PALS1: variants seen among roughly 807,000 people sequenced by gnomAD.
The protein encoded by PALS1 is protein associated with LIN7 1, MAGUK p55 family member.
A neutral mutation model predicts 78.9 loss-of-function variants in PALS1; 31 were observed. The observed-to-expected ratio is 0.39, with a 90% CI of 0.30 to 0.53. The LOEUF is 0.53. Among genes scored for constraint, PALS1 ranks in the 20% least tolerant of loss-of-function variants. The probability of loss-of-function intolerance (pLI) is 0.67; values close to 1 mark genes in which losing one functional copy is unlikely to be tolerated. For synonymous variants in PALS1, 276 were observed against 270.9 expected, an observed-to-expected ratio of 1.02 and a Z score of -0.18; for missense variants, 704 against 826.5, an observed-to-expected ratio of 0.85 and a Z score of 1.82.
At chr14:67,318,874 G>A (rs1324899712) in intron 11 of PALS1, among the ~76,000 whole-genome samples, 1 of 151,966 alleles carries the variant, frequency 6.6e-6, no homozygotes, top group African/African-American at 2.4e-5. Context: ...TGGCTAACAT[G>A]GTGAAACTCC....
At chr14:67,248,686 G>A (rs1408931119) in intron 1 of PALS1, among the ~76,000 whole-genome samples, 1 of 152,158 alleles carries the variant, frequency 6.6e-6, no homozygotes, top group East Asian at 1.9e-4. Context: ...TATTGTCTCT[G>A]TTGCAAGTAC....
At chr14:67,251,513 A>G (rs2084062725) in intron 1 of PALS1, among the ~76,000 whole-genome samples, 1 of 152,192 alleles carries the variant, frequency 6.6e-6, no homozygotes, top group Admixed American at 6.5e-5. Context: ...AGCCTGGTCA[A>G]CAGCAACAGA....
At chr14:67,316,728 A>G (rs1405034302) in intron 9 of PALS1, 104 bp from the exon 10 acceptor site, 7 of 832,370 alleles carry the variant, frequency 8.4e-6, no homozygotes, top group Non-Finnish European at 9.2e-6. Context: ...GGAAGGGAAT[A>G]TAAGTGAAGA....
At position 67,323,765 on chromosome 14, in the gene PALS1, C is replaced by A. The variant is rs922968032; in HGVS notation, c.1804C>A (p.Gln602Lys). Residue 602 changes from glutamine (Q) to lysine (K), a missense_variant, in exon 14 of 15, where the codon CAA becomes AAA. Coordinates refer to ENST00000261681, the MANE Select transcript of PALS1 (RefSeq NM_022474.4). Reference sequence around the variant, plus strand: ...TATTATCTTCATTGCACCCCCTTCACAAGAAAGACTTCGGGCATTATTGGC... The same window carrying A: ...TATTATCTTCATTGCACCCCCTTCAAAAGAAAGACTTCGGGCATTATTGGC... Reference protein sequence around the residue: ...PYIIFIAPPSQERLRALLAKE... With the variant: ...PYIIFIAPPSKERLRALLAKE... 1 of 1,606,056 alleles carries A rather than the reference C, an allele frequency of 6.2e-7. No individual in the cohort carries two copies. The highest frequency in any genetic ancestry group is 8.5e-7 in the Non-Finnish European group (1 of 1,176,740).
rs1239990614 is a variant in PALS1, at chr14:67,279,359, G to GGAGGACATGAGGCGTAGGAGA, written c.195_215dup (p.Asp65_Glu71dup). The GGAGGACATGAGGCGTAGGAGA allele has an allele frequency of 1.9e-6, 3 of 1,613,902 alleles. No individual in the cohort carries two copies. The Admixed American group carries it at 5.0e-5, about 27-fold the overall frequency. ...AGTTGGAGCGTATTCGGCAACAACA[G>GGAGGACATGAGGCGTAGGAGA]GAGGACATGAGGCGTAGGAGAGAGG... is the stretch of plus-strand genomic sequence containing the variant. On this transcript the variant is annotated inframe_insertion, in exon 3 of 15. Transcript: ENST00000261681.
chr14:67,260,563 T>G (rs1480509679), intron 1 of PALS1, among the ~76,000 whole-genome samples: 1 of 152,122 alleles, frequency 6.6e-6, no homozygotes, highest in Non-Finnish European at 1.5e-5. Context: ...AAGGGTAGTT[T>G]GTAGAGGAGA....
At chr14:67,302,786 T>C (rs2084949479) in intron 7 of PALS1, among the ~76,000 whole-genome samples, 1 of 152,178 alleles carries the variant, frequency 6.6e-6, no homozygotes, top group African/African-American at 2.4e-5. Context: ...CTATCACATA[T>C]ATTTTATTTT....
chr14:67,284,442 A>AAAAAAC (rs890593561), intron 3 of PALS1, among the ~76,000 whole-genome samples: 1 of 142,768 alleles, frequency 7.0e-6, no homozygotes, highest in Non-Finnish European at 1.6e-5. Context: ...AAAAAAAAAA[A>AAAAAAC]AACAGCTGGG....
chr14:67,317,152 T>C (rs968620987), intron 10 of PALS1, among the ~76,000 whole-genome samples: 3 of 152,226 alleles, frequency 2.0e-5, no homozygotes, highest in African/African-American at 7.2e-5. Context: ...AACAGTGTAA[T>C]AAGTATTTAT....
intron 3 of PALS1, among the ~76,000 whole-genome samples, chr14:67,285,995 G>A (rs946450744): frequency 2.0e-5 from 3 of 152,046 alleles, no homozygotes; most frequent in Admixed American, 6.5e-5. Context: ...TAAATGTTGC[G>A]TGAAATATTA....
At chr14:67,251,346 A>G (rs2084060238) in intron 1 of PALS1, among the ~76,000 whole-genome samples, 1 of 152,178 alleles carries the variant, frequency 6.6e-6, no homozygotes, top group Admixed American at 6.5e-5. Flanking sequence ...CAACCTGGGC[A>G]ACACAGTGGG....
Position 67,303,517 on chromosome 14 carries a change from T to C in PALS1, c.964-5T>C. ...TTAAAAAATAACCTGATCTTTCTAT[T>C]ACAGTCTGATATGCATGGTACTTTG... On this transcript the variant is annotated splice_polypyrimidine_tract_variant and splice_region_variant and intron_variant, in intron 7 of 14. Transcript: ENST00000261681. 1.9e-6 allele frequency: 3 copies of C among 1,607,654 alleles called. No homozygotes were observed. The highest frequency in any genetic ancestry group is 2.6e-6 in the Non-Finnish European group (3 of 1,174,140).
At chr14:67,307,627 G>A (rs1173767540) in intron 8 of PALS1, among the ~76,000 whole-genome samples, 1 of 152,128 alleles carries the variant, frequency 6.6e-6, no homozygotes, top group Non-Finnish European at 1.5e-5. Context: ...TTTCTTGGTG[G>A]ATGTGGGGAA....
At chr14:67,290,052 G>A (rs1374403412) in intron 3 of PALS1, among the ~76,000 whole-genome samples, 5 of 152,116 alleles carry the variant, frequency 3.3e-5, no homozygotes, top group African/African-American at 7.2e-5. Flanking sequence ...GATTACAGGC[G>A]TGAGCCACTG....
chr14:67,328,886 T>C (rs888600159), intron 14 of PALS1, among the ~76,000 whole-genome samples: 5 of 152,204 alleles, frequency 3.3e-5, no homozygotes, highest in African/African-American at 1.2e-4. Context: ...TGTAGCCTTG[T>C]AGTATAGTTT....
rs531308993 is a variant in PALS1 at position 67,260,681 on chromosome 14, G to A, written c.-236-9020G>A. Among the ~76,000 whole-genome samples the A allele has an allele frequency of 4.6e-5, 7 of 152,184 alleles. No individual in the cohort carries two copies. The South Asian group carries it at 1.2e-3, about 27-fold the overall frequency. ...TTTTTCTTGGTATAAGAAACAATAT[G>A]TCAAAAGTTTAATGACAAAATATAA... On this transcript the variant is annotated intron_variant, in intron 1 of 14. Coordinates refer to ENST00000261681, the MANE Select transcript of PALS1 (RefSeq NM_022474.4).
chr14:67,294,618 C>G (rs2084817888), intron 4 of PALS1: 1 of 151,678 alleles, frequency 6.6e-6, no homozygotes, highest in Non-Finnish European at 1.5e-5. Context: ...TAGATTAAAT[C>G]TTTGATGATC....
chr14:67,319,847 A>G lies in PALS1; in HGVS notation c.1370-383A>G, dbSNP rs3825567. Among the ~76,000 whole-genome samples, 255 of 152,292 alleles carry G rather than the reference A, an allele frequency of 1.7e-3. 6 individuals are homozygous for G. In the East Asian group the frequency reaches 0.044, roughly 27 times the overall value. Reference sequence around the variant, plus strand: ...GTATTCAGCGTATACATTATGTCTGATTCTTAAAACAACCTTCTTAAGTAG... The same window carrying G: ...GTATTCAGCGTATACATTATGTCTGGTTCTTAAAACAACCTTCTTAAGTAG... On this transcript the variant is annotated intron_variant, in intron 11 of 14. Coordinates refer to ENST00000261681, the MANE Select transcript of PALS1 (RefSeq NM_022474.4).
At chr14:67,270,884 T>C (rs185049228) in intron 2 of PALS1, 17 of 152,300 alleles carry the variant, frequency 1.1e-4, no homozygotes, top group African/African-American at 3.8e-4. Flanking sequence ...AGATTTCTTG[T>C]AGAATTAGGG....
Sources: allele counts gnomAD v4.1 joint callset (sites outside exome capture counted in the v4.1 genomes callset), GRCh38; gene constraint gnomAD v4.1.1; transcripts MANE v1.5; gene names NCBI Gene and HGNC (gene_info 2026-07-23, HGNC 2026-07-21).